PLPP3: variants seen among roughly 807,000 people sequenced by gnomAD.
PLPP3 encodes PAP2 beta.
In PLPP3, 6 loss-of-function variants were observed where a neutral mutation model predicts 29.6. The observed-to-expected ratio is 0.20, with a 90% confidence interval of 0.11 to 0.40. The LOEUF (loss-of-function observed/expected upper bound fraction) is 0.40, where lower values mean the gene tolerates loss of function less well. Among genes scored for constraint, PLPP3 ranks in the 10% least tolerant of loss-of-function variants. The probability of loss-of-function intolerance (pLI) is 1.00; values close to 1 mark genes in which losing one functional copy is unlikely to be tolerated. For missense variants in PLPP3, 308 were observed against 407.7 expected, an observed-to-expected ratio of 0.76 and a Z score of 2.11; for synonymous variants, 152 against 159.7, an observed-to-expected ratio of 0.95 and a Z score of 0.36.
chr1:56,506,115 C>A (rs1645700326), intron 5 of PLPP3, among the ~76,000 whole-genome samples: 1 of 152,206 alleles, frequency 6.6e-6, no homozygotes, highest in Non-Finnish European at 1.5e-5. Context: ...TGTGCCCAGG[C>A]AGCCCTGGAG....
At chr1:56,531,152 ATAAGCCTTAGCCT>A (rs1557505161) in intron 2 of PLPP3, among the ~76,000 whole-genome samples, 3 of 152,218 alleles carry the variant, frequency 2.0e-5, no homozygotes, top group Non-Finnish European at 2.9e-5. Flanking sequence ...AAGCCTTGGC[ATAAGCCTTAGCCT>A]TAAGTGCTCT....
chr1:56,553,393 T>C (rs373078684), intron 1 of PLPP3, among the ~76,000 whole-genome samples: 1 of 152,176 alleles, frequency 6.6e-6, no homozygotes, highest in Non-Finnish European at 1.5e-5. Flanking sequence ...TTTAGTTAGC[T>C]GGCTCCTGCT....
intron 1 of PLPP3, among the ~76,000 whole-genome samples, chr1:56,572,814 T>C (rs1646208615): frequency 6.6e-6 from 1 of 152,178 alleles, no homozygotes; most frequent in African/African-American, 2.4e-5. Flanking sequence ...GATAACGTGA[T>C]TTTGAACTTT....
intron 4 of PLPP3, among the ~76,000 whole-genome samples, chr1:56,518,715 T>TATATATA (rs1645798825): frequency 3.2e-5 from 4 of 126,662 alleles, no homozygotes; most frequent in African/African-American, 1.1e-4. Context: ...TTTTAATCAT[T>TATATATA]TATATATATA....
chr1:56,518,381 C>T (rs902328850), intron 4 of PLPP3, among the ~76,000 whole-genome samples: 1 of 152,104 alleles, frequency 6.6e-6, no homozygotes, highest in Non-Finnish European at 1.5e-5. Context: ...ACCCAACAAA[C>T]CCTCTGACAC....
intron 1 of PLPP3, among the ~76,000 whole-genome samples, chr1:56,561,921 G>A (rs1176718473): frequency 6.6e-6 from 1 of 150,972 alleles, no homozygotes; most frequent in African/African-American, 2.4e-5. Context: ...TGTAATCCCA[G>A]CTACTCAGAA....
At chr1:56,542,130 T>C (rs1313883344) in intron 1 of PLPP3, among the ~76,000 whole-genome samples, 1 of 152,050 alleles carries the variant, frequency 6.6e-6, no homozygotes, top group African/African-American at 2.4e-5. Context: ...GACAAACACT[T>C]AATGGGCATA....
chr1:56,552,844 C>T (rs2100285226), intron 1 of PLPP3, among the ~76,000 whole-genome samples: 1 of 152,270 alleles, frequency 6.6e-6, no homozygotes, highest in Non-Finnish European at 1.5e-5. Flanking sequence ...TCAGGACTGC[C>T]TAAAGACAAA....
intron 2 of PLPP3, among the ~76,000 whole-genome samples, chr1:56,527,463 C>T (rs1645859521): frequency 6.6e-6 from 1 of 152,028 alleles, no homozygotes. Flanking sequence ...TATTCTGACT[C>T]TTAAGCTCAA....
intron 1 of PLPP3, among the ~76,000 whole-genome samples, chr1:56,550,224 C>G (rs998706062): frequency 6.6e-6 from 1 of 152,154 alleles, no homozygotes; most frequent in African/African-American, 2.4e-5. Context: ...CCCCTTCCCC[C>G]ACCAGAATGG....
intron 2 of PLPP3, among the ~76,000 whole-genome samples, chr1:56,525,227 CA>C (rs1239782329): frequency 6.6e-6 from 1 of 152,220 alleles, no homozygotes; most frequent in African/African-American, 2.4e-5. Context: ...ACCTGGATCA[CA>C]GAAAGTGATG....
chr1:56,557,013 A>AAG (rs1557513531), intron 1 of PLPP3, among the ~76,000 whole-genome samples: 43 of 15,060 alleles, frequency 2.9e-3, no homozygotes, highest in African/African-American at 4.6e-3. Flanking sequence ...AAAGAAAGAG[A>AAG]GAGAGAGAGA....
chr1:56,537,135 A>G (rs1307547478), intron 1 of PLPP3, 23 bp from the exon 2 acceptor site: 1 of 1,595,652 alleles, frequency 6.3e-7, no homozygotes, highest in African/African-American at 1.4e-5. Context: ...GAACCATGGC[A>G]TATACCAGAA....
intron 5 of PLPP3, among the ~76,000 whole-genome samples, chr1:56,503,443 C>T (rs1441624072): frequency 2.0e-4 from 30 of 152,162 alleles, no homozygotes; most frequent in Admixed American, 2.0e-3. Context: ...AATCCCAGCA[C>T]TTTGGGAGGC....
intron 1 of PLPP3, among the ~76,000 whole-genome samples, chr1:56,572,054 T>TTTG (rs1646202421): frequency 7.2e-6 from 1 of 139,440 alleles, no homozygotes; most frequent in Non-Finnish European, 1.6e-5. Flanking sequence ...TTTTTTTTTT[T>TTTG]TTTTTTTTTT....
intron 4 of PLPP3, chr1:56,513,711 TAA>T (rs1484143702): frequency 2.0e-5 from 3 of 152,052 alleles, no homozygotes; most frequent in African/African-American, 7.2e-5. Flanking sequence ...TGGAAAAACT[TAA>T]GAGGAAAAAA....
intron 1 of PLPP3, among the ~76,000 whole-genome samples, chr1:56,550,863 C>A (rs996750579): frequency 6.6e-6 from 1 of 152,110 alleles, no homozygotes; most frequent in African/African-American, 2.4e-5. Context: ...TCAGCTTCCA[C>A]GACAGCTCCC....
intron 4 of PLPP3, among the ~76,000 whole-genome samples, chr1:56,519,353 C>A (rs999781918): frequency 3.3e-5 from 5 of 152,160 alleles, no homozygotes; most frequent in African/African-American, 1.2e-4. Context: ...CGTAATATAA[C>A]CTACATATCC....
intron 1 of PLPP3, among the ~76,000 whole-genome samples, chr1:56,539,964 A>C (rs748512343): frequency 6.6e-6 from 1 of 152,136 alleles, no homozygotes; most frequent in Non-Finnish European, 1.5e-5. Context: ...AGTTCCTTAC[A>C]TTTGCACTCC....
Sources: gnomAD v4.1 joint callset for allele counts (sites outside exome capture counted in the v4.1 genomes callset) on GRCh38, gnomAD v4.1.1 for gene constraint, MANE v1.5 for transcripts, NCBI Gene and HGNC (gene_info 2026-07-23, HGNC 2026-07-21) for gene names.